LRP6: variants seen among roughly 807,000 people sequenced by gnomAD.
LRP6 encodes the protein LDL receptor related protein 6, also known as low-density lipoprotein receptor-related protein 6.
Under a neutral mutation model 184.1 loss-of-function variants are expected in LRP6, and 43 were observed. That is an observed-to-expected ratio of 0.23 (90% CI 0.18 to 0.30). The LOEUF is 0.30. Ranked by LOEUF, LRP6 falls within the 10% of genes least tolerant of loss-of-function variation. The pLI, the probability that LRP6 is intolerant of heterozygous loss-of-function variation, is 1.00. For synonymous variants in LRP6, 719 were observed against 684.9 expected (o/e 1.05, Z -0.78); for missense variants, 1,571 against 2,005.3 (o/e 0.78, Z 4.14).
rs1388324931 is a variant in LRP6, at chr12:12,149,173, C to A, written c.2995-20G>T. ...AAAGCCCTAGGGAAAAAAAGAAATA[C>A]AGAGAAAATTAAACTCCAGGGGCAG... On this transcript the variant is annotated intron_variant, in intron 13 of 22. Transcript: ENST00000261349. The A allele has an allele frequency of 6.2e-7, 1 of 1,604,334 alleles. No homozygotes were observed. Among genetic ancestry groups the A allele is most frequent in the African/African-American group, 1.3e-5 (1 of 74,672 alleles).
chr12:12,250,035 A>G (rs1218829034), intron 1 of LRP6, among the ~76,000 whole-genome samples: 2 of 152,098 alleles, frequency 1.3e-5, no homozygotes, highest in Non-Finnish European at 2.9e-5. Flanking sequence ...CCTCTTCTCC[A>G]TTTTTAAAAC....
At chr12:12,197,852 G>A (rs1357541903) in intron 3 of LRP6, among the ~76,000 whole-genome samples, 1 of 152,164 alleles carries the variant, frequency 6.6e-6, no homozygotes, top group Non-Finnish European at 1.5e-5. Context: ...AAGACCAGCT[G>A]GGCAACATGA....
intron 2 of LRP6, among the ~76,000 whole-genome samples, chr12:12,219,167 T>C (rs975037287): frequency 1.3e-5 from 2 of 152,134 alleles, no homozygotes; most frequent in African/African-American, 4.8e-5. Flanking sequence ...CCACTTTAGT[T>C]ACAAATTTTA....
intron 1 of LRP6, among the ~76,000 whole-genome samples, chr12:12,246,046 A>C (rs576870188): frequency 4.5e-4 from 54 of 120,678 alleles, no homozygotes; most frequent in African/African-American, 1.7e-3. Context: ...CTTGTTGCCC[A>C]GGCTGGAGTG....
intron 3 of LRP6, among the ~76,000 whole-genome samples, chr12:12,200,017 A>T (rs1863874441): frequency 7.0e-6 from 1 of 143,570 alleles, no homozygotes; most frequent in Non-Finnish European, 1.5e-5. Flanking sequence ...TCTCATCCAG[A>T]GGTATATAGG....
intron 3 of LRP6, among the ~76,000 whole-genome samples, chr12:12,202,753 T>G (rs867402882): frequency 9.2e-5 from 14 of 152,176 alleles, no homozygotes; most frequent in African/African-American, 3.4e-4. Flanking sequence ...TTAGCAGGAC[T>G]TGGGGCTTTA....
chr12:12,162,201 A>G lies in LRP6; in HGVS notation c.2271T>C (p.Pro757=). The G allele has an allele frequency of 6.2e-7, 1 of 1,614,114 alleles. No individual in the cohort carries two copies. The highest frequency in any genetic ancestry group is 1.1e-5 in the South Asian group (1 of 91,082). ...CATGTAAAGCTGTTTACCCTTCGGC[A>G]GGGTCCAACGCGAGAGCTCTGGGAC... The part of the protein sequence containing the change: ...LDSPRALALD[P]AEGFMYWTEW... Residue 757 remains proline, a synonymous_variant, in exon 10 of 23, where the codon CCT becomes CCC. Transcript: ENST00000261349.
intron 2 of LRP6, among the ~76,000 whole-genome samples, chr12:12,232,990 C>T (rs973182260): frequency 3.3e-5 from 5 of 152,218 alleles, no homozygotes; most frequent in African/African-American, 1.2e-4. Flanking sequence ...TCTGAACCTA[C>T]TGAATAATCT....
At chr12:12,129,272 C>G (rs1386596148) in intron 19 of LRP6, among the ~76,000 whole-genome samples, 1 of 152,156 alleles carries the variant, frequency 6.6e-6, no homozygotes, top group Non-Finnish European at 1.5e-5. Context: ...CCATGCTAGT[C>G]TTTTTCTTGA....
intron 10 of LRP6, among the ~76,000 whole-genome samples, chr12:12,160,718 A>G (rs1431978588): frequency 6.6e-6 from 1 of 152,266 alleles, no homozygotes; most frequent in Non-Finnish European, 1.5e-5. Flanking sequence ...AGCCCAAAAC[A>G]CTACAAGAAA....
Position 12,186,952 on chromosome 12 carries a change from T to C in LRP6, c.815A>G (p.His272Arg), listed in dbSNP as rs1248000689. 1.2e-6 allele frequency: 2 copies of C among 1,614,174 alleles called. No homozygotes were observed. Among genetic ancestry groups the C allele is most frequent in the Non-Finnish European group, 1.7e-6 (2 of 1,180,006 alleles). ...HSDIFSPMDI[H>R]AFSQQRQPNA... ...TGGCTGCCTCTGTTGGCTGAAGGCA[T>C]GTATATCCATGGGAGAGAAGATGTC... The change falls in exon 4 of 23, where the codon CAT becomes CGT. Residue 272 changes from histidine (H) to arginine (R), a missense_variant. This residue lies in a region of LRP6 where 640 missense variants were observed against 851.9 expected (regional missense o/e 0.75). Coordinates refer to ENST00000261349, the MANE Select transcript of LRP6 (RefSeq NM_002336.3).
intron 1 of LRP6, chr12:12,249,309 G>C: frequency 8.8e-7 from 1 of 1,137,876 alleles, no homozygotes; most frequent in East Asian, 2.3e-5. Flanking sequence ...CCATATCAGT[G>C]CTAGCAAAAT....
At chr12:12,230,272 T>C (rs11611108) in intron 2 of LRP6, among the ~76,000 whole-genome samples, 22,836 of 152,220 alleles carry the variant, frequency 0.15, 1,907 homozygotes, top group Non-Finnish European at 0.19. Context: ...ATTTACTTTA[T>C]ACATTTTTAT....
At chr12:12,201,758 C>A (rs929477649) in intron 3 of LRP6, among the ~76,000 whole-genome samples, 1 of 152,172 alleles carries the variant, frequency 6.6e-6, no homozygotes, top group Non-Finnish European at 1.5e-5. Flanking sequence ...GATTTGAGGT[C>A]AAAAACAGCA....
intron 1 of LRP6, among the ~76,000 whole-genome samples, chr12:12,246,402 A>T (rs570592427): frequency 3.9e-4 from 60 of 152,178 alleles, no homozygotes; most frequent in African/African-American, 1.4e-3. Flanking sequence ...GGAATGCAGA[A>T]CATAAATGAG....
intron 20 of LRP6, among the ~76,000 whole-genome samples, chr12:12,126,400 G>A (rs749582959): frequency 2.0e-5 from 3 of 152,210 alleles, no homozygotes; most frequent in Admixed American, 6.5e-5. Context: ...TTCACTAAAT[G>A]ACTGGCTGAT....
chr12:12,212,380 T>C (rs1019561106), intron 2 of LRP6, among the ~76,000 whole-genome samples: 2 of 152,234 alleles, frequency 1.3e-5, no homozygotes, highest in Admixed American at 1.3e-4. Context: ...GCTGCTTTTC[T>C]TTGAATGCAC....
rs1183086457 is a variant in LRP6, at chr12:12,145,618, CT to C, written c.3397+1747del. Among the ~76,000 whole-genome samples the C allele has an allele frequency of 2.1e-3, 166 of 80,552 alleles. 3 individuals carry two copies. The East Asian group carries it at 0.069, about 33-fold the overall frequency. 52.8% of individuals were successfully genotyped at this position (80,552 alleles called of 152,430 possible). On this transcript the variant is annotated intron_variant, in intron 15 of 22. Transcript: ENST00000261349. ...ATCTGAGATCCCACATTTCTTTTTT[CT>C]TTTTCTTTTTTTTTTTTTTTTTTTT...
At chr12:12,180,921 A>G (rs900982255) in intron 6 of LRP6, 122 bp downstream of exon 6, 1 of 994,118 alleles carries the variant, frequency 1.0e-6, no homozygotes. Flanking sequence ...TAAAATAGAC[A>G]GCCATTAAAG....
Sources: allele counts gnomAD v4.1 joint callset (sites outside exome capture counted in the v4.1 genomes callset), GRCh38; gene constraint gnomAD v4.1.1; regional missense constraint gnomAD v4.1.1; transcripts MANE v1.5; gene names NCBI Gene and HGNC (gene_info 2026-07-23, HGNC 2026-07-21).